The following CDH18 variants were observed in gnomAD, a reference collection of about 807,000 sequenced individuals.
The protein encoded by CDH18 is cadherin 18, also known as cadherin-18.
A neutral mutation model predicts 67.9 loss-of-function variants in CDH18; 31 were observed. The ratio of observed to expected loss-of-function variants is 0.46; its 90% CI spans 0.34 to 0.62. The LOEUF (loss-of-function observed/expected upper bound fraction) is 0.62, where lower values mean the gene tolerates loss of function less well. Among genes scored for constraint, CDH18 ranks in the 20% least tolerant of loss-of-function variants. The pLI is 0.01. For missense variants in CDH18, 890 were observed against 975.5 expected (o/e 0.91, Z 1.17); for synonymous variants, 362 against 347.2 (o/e 1.04, Z -0.48).
At chr5:20,018,457 A>G (rs1188534088) in intron 2 of CDH18, among the ~76,000 whole-genome samples, 1 of 152,172 alleles carries the variant, frequency 6.6e-6, no homozygotes, top group Non-Finnish European at 1.5e-5. Context: ...CACTTAGAGA[A>G]CCTTCCCTCA....
chr5:20,459,237 C>T (rs911807544), intron 1 of CDH18, among the ~76,000 whole-genome samples: 8 of 152,138 alleles, frequency 5.3e-5, no homozygotes, highest in South Asian at 2.1e-4. Flanking sequence ...ATTTCATAAA[C>T]GTGAGCAGCT....
intron 11 of CDH18, among the ~76,000 whole-genome samples, chr5:19,496,811 CA>C (rs777601146): frequency 0.015 from 1,150 of 75,152 alleles, 7 homozygotes; most frequent in African/African-American, 0.048. Flanking sequence ...GACTCCATCT[CA>C]AAAAAAAAAA....
intron 2 of CDH18, among the ~76,000 whole-genome samples, chr5:19,866,805 C>T (rs1267231686): frequency 6.6e-6 from 1 of 152,076 alleles, no homozygotes; most frequent in African/African-American, 2.4e-5. Flanking sequence ...AAAAAATGCA[C>T]TCTTGGCTGG....
chr5:20,405,652 C>T (rs1048694608), intron 1 of CDH18, among the ~76,000 whole-genome samples: 4 of 151,972 alleles, frequency 2.6e-5, no homozygotes, highest in Non-Finnish European at 5.9e-5. Context: ...GAACAGGCAA[C>T]CTACAGAATG....
intron 3 of CDH18, among the ~76,000 whole-genome samples, chr5:19,763,646 G>A (rs187453084): frequency 6.6e-6 from 1 of 152,216 alleles, no homozygotes; most frequent in Admixed American, 6.5e-5. Flanking sequence ...TGAACTTAGA[G>A]AACATTGACA....
chr5:19,721,352 T>C lies in CDH18; in HGVS notation c.638A>G (p.Lys213Arg). The change falls in exon 5 of 13, where the codon AAA becomes AGA. Residue 213 changes from lysine (K) to arginine (R), a missense_variant. Physicochemically the swap from Lys to Arg is conservative, Grantham distance 26. Transcript: ENST00000382275. ...TTATGTGTAAATGCACTAACCTGTT[T>C]TAGGGTCGACGGAGAAGTAGGGTTG... The part of the protein sequence containing the change: ...QGQPYFSVDP[K>R]TGVIRTALHN... 3.1e-6 allele frequency: 5 copies of C among 1,601,040 alleles called. No homozygotes were observed. In the South Asian group the frequency reaches 5.6e-5, roughly 18 times the overall value.
chr5:19,535,212 A>T (rs1749229184), intron 9 of CDH18, among the ~76,000 whole-genome samples: 1 of 152,228 alleles, frequency 6.6e-6, no homozygotes, highest in African/African-American at 2.4e-5. Flanking sequence ...CAATGGATTG[A>T]TACATATATG....
chr5:20,024,590 A>C (rs1738722530), intron 2 of CDH18, among the ~76,000 whole-genome samples: 1 of 152,174 alleles, frequency 6.6e-6, no homozygotes, highest in East Asian at 1.9e-4. Flanking sequence ...CTTGTAGAAT[A>C]CATACGAGAA....
chr5:20,345,420 C>T (rs1485276411), intron 1 of CDH18, among the ~76,000 whole-genome samples: 1 of 152,146 alleles, frequency 6.6e-6, no homozygotes, highest in Non-Finnish European at 1.5e-5. Flanking sequence ...TCTTTCACAA[C>T]GTGAAACAGC....
At chr5:20,121,873 C>A (rs1269975714) in intron 2 of CDH18, among the ~76,000 whole-genome samples, 1 of 152,108 alleles carries the variant, frequency 6.6e-6, no homozygotes, top group Non-Finnish European at 1.5e-5. Flanking sequence ...CAAAACAAGA[C>A]CACAAAAACG....
chr5:19,685,071 A>G (rs1205499248), intron 5 of CDH18, among the ~76,000 whole-genome samples: 3 of 152,186 alleles, frequency 2.0e-5, no homozygotes, highest in South Asian at 2.1e-4. Context: ...CATGTGCTCC[A>G]TAACTGAATC....
upstream of CDH18, among the ~76,000 whole-genome samples, chr5:19,989,892 A>T (rs1477355584): frequency 1.3e-5 from 2 of 152,196 alleles, no homozygotes; most frequent in African/African-American, 4.8e-5. Flanking sequence ...CTTAAGGAAG[A>T]TGTTAGAAGT....
intron 2 of CDH18, among the ~76,000 whole-genome samples, chr5:19,897,673 T>G (rs1185056014): frequency 6.6e-6 from 1 of 152,046 alleles, no homozygotes; most frequent in East Asian, 1.9e-4. Context: ...AAGCCAAATG[T>G]TCATCATTTG....
intron 2 of CDH18, among the ~76,000 whole-genome samples, chr5:19,855,252 A>G (rs1784140835): frequency 6.6e-6 from 1 of 151,966 alleles, no homozygotes; most frequent in African/African-American, 2.4e-5. Context: ...AAAATGAATC[A>G]CCTTTCGGGT....
At chr5:19,749,696 T>C (rs1000540450) in intron 3 of CDH18, among the ~76,000 whole-genome samples, 1 of 150,998 alleles carries the variant, frequency 6.6e-6, no homozygotes, top group Non-Finnish European at 1.5e-5. Context: ...ATATATACTA[T>C]ACACTATATA....
chr5:20,566,526 A>ATTTTTTTTTTTTT (rs33950954), intron 1 of CDH18, among the ~76,000 whole-genome samples: 22 of 97,374 alleles, frequency 2.3e-4, no homozygotes, highest in Non-Finnish European at 3.0e-4. Context: ...TGCCCAGCTA[A>ATTTTTTTTTTTTT]TTTTTTTTTT....
Position 19,636,524 on chromosome 5 carries a change from A to C in CDH18, c.644-23923T>G, listed in dbSNP as rs1361379951. ...GTAAAAAATAATGTGTTTAAGGTTT[A>C]ACTTTTGATTGTTTACCTTTTAAAA... On this transcript the variant is annotated intron_variant, in intron 5 of 12. Transcript: ENST00000382275. Among the ~76,000 whole-genome samples, 3 of 152,108 alleles carry C rather than the reference A, an allele frequency of 2.0e-5. No homozygotes were observed. The East Asian group carries it at 5.8e-4, about 29-fold the overall frequency.
At chr5:20,082,145 A>C (rs1286079779) in intron 2 of CDH18, among the ~76,000 whole-genome samples, 3 of 152,098 alleles carry the variant, frequency 2.0e-5, no homozygotes, top group South Asian at 2.1e-4. Flanking sequence ...AAAAAAAAAA[A>C]GCAAACCTGT....
intron 2 of CDH18, among the ~76,000 whole-genome samples, chr5:20,085,012 C>A (rs887775820): frequency 6.6e-6 from 1 of 152,202 alleles, no homozygotes; most frequent in Admixed American, 6.5e-5. Flanking sequence ...ATGCAAATTT[C>A]TGCAGCTGGC....
Sources: gnomAD v4.1 joint callset for allele counts (sites outside exome capture counted in the v4.1 genomes callset) on GRCh38, gnomAD v4.1.1 for gene constraint, MANE v1.5 for transcripts, NCBI Gene and HGNC (gene_info 2026-07-23, HGNC 2026-07-21) for gene names.